The following UPF2 variants were observed in gnomAD, a reference collection of about 807,000 sequenced individuals.
UPF2 encodes the protein UPF2 regulator of nonsense mediated mRNA decay.
A neutral mutation model predicts 141.4 loss-of-function variants in UPF2; 17 were observed. The ratio of observed to expected loss-of-function variants is 0.12; its 90% CI spans 0.08 to 0.18. UPF2 has a LOEUF of 0.18. UPF2 is among the 10% of genes least tolerant of loss of function. The pLI is 1.00. For synonymous variants in UPF2, 540 were observed against 498.0 expected, an observed-to-expected ratio of 1.08 and a Z score of -1.12; for missense variants, 1,152 against 1,515.9, an observed-to-expected ratio of 0.76 and a Z score of 3.99.
intron 9 of UPF2, among the ~76,000 whole-genome samples, chr10:11,977,201 C>A (rs61412976): frequency 6.6e-6 from 1 of 152,070 alleles, no homozygotes; most frequent in Non-Finnish European, 1.5e-5. Flanking sequence ...GAAATAGTTG[C>A]AGCGGGGGGA....
At chr10:11,948,583 C>G in intron 15 of UPF2, 75 bp from the exon 16 acceptor site, 1 of 1,463,058 alleles carries the variant, frequency 6.8e-7, no homozygotes, top group Non-Finnish European at 9.2e-7. Context: ...TATACCAATT[C>G]ATGTAAAAGT....
intron 12 of UPF2, among the ~76,000 whole-genome samples, chr10:11,958,865 A>G (rs1833196718): frequency 6.6e-6 from 1 of 152,218 alleles, no homozygotes; most frequent in Non-Finnish European, 1.5e-5. Context: ...CTGATGCAAA[A>G]TAATATTTAA....
chr10:11,922,280 TTTGTC>T (rs1249795222), intron 21 of UPF2, among the ~76,000 whole-genome samples: 8 of 152,168 alleles, frequency 5.3e-5, no homozygotes, highest in African/African-American at 1.9e-4. Context: ...GCTGTAATAT[TTTGTC>T]ATGGCAGCCC....
At position 12,029,476 on chromosome 10, in the gene UPF2, A is replaced by G; in HGVS notation, c.414T>C (p.His138=). The G allele has an allele frequency of 6.2e-7, 1 of 1,609,276 alleles. No homozygotes were observed. The highest frequency in any genetic ancestry group is 8.5e-7 in the Non-Finnish European group (1 of 1,178,986). Residue 138 remains histidine (H), a synonymous_variant, in exon 3 of 22, where the codon CAT becomes CAC. Coordinates refer to ENST00000357604, the MANE Select transcript of UPF2 (RefSeq NM_015542.4). ...IQLHQEAWER[H]HLRKELRSKN... The stretch of plus-strand genomic sequence containing the variant: ...TGCTACGAAGTTCCTTTCTTAAATG[A>G]TGTCGTTCCCAAGCTTCCTGATGAA...
chr10:11,984,467 T>TAA (rs1468697219), intron 8 of UPF2, among the ~76,000 whole-genome samples: 1 of 152,212 alleles, frequency 6.6e-6, no homozygotes, highest in Non-Finnish European at 1.5e-5. Context: ...CTTGAATTTC[T>TAA]AAAACTTTTA....
chr10:11,970,623 C>G (rs2131212858), intron 9 of UPF2, among the ~76,000 whole-genome samples: 1 of 151,966 alleles, frequency 6.6e-6, no homozygotes, highest in Middle Eastern at 3.4e-3. Context: ...ACCAGCCTGG[C>G]CAACACGGTG....
At chr10:11,987,602 AT>A (rs1479504315) in intron 8 of UPF2, among the ~76,000 whole-genome samples, 1 of 151,696 alleles carries the variant, frequency 6.6e-6, no homozygotes, top group Non-Finnish European at 1.5e-5. Flanking sequence ...TACTAAAAAA[AT>A]ATATAAAAAT....
At chr10:12,002,911 T>C (rs1833975996) in intron 5 of UPF2, among the ~76,000 whole-genome samples, 1 of 152,228 alleles carries the variant, frequency 6.6e-6, no homozygotes, top group Non-Finnish European at 1.5e-5. Flanking sequence ...TATACTTAAA[T>C]TGAAAGTATG....
chr10:12,027,534 A>C (rs776947958), intron 3 of UPF2, among the ~76,000 whole-genome samples: 4 of 152,224 alleles, frequency 2.6e-5, no homozygotes, highest in Non-Finnish European at 4.4e-5. Flanking sequence ...AATCCTTTTT[A>C]GTCCATTACT....
intron 2 of UPF2, among the ~76,000 whole-genome samples, chr10:12,029,913 G>A (rs1203741175): frequency 6.6e-6 from 1 of 150,504 alleles, no homozygotes; most frequent in South Asian, 2.1e-4. Context: ...AGCCAAGAAC[G>A]TGACACTGCA....
rs1015008216 is a variant in UPF2 at position 11,921,163 on chromosome 10, C to T, written c.*135G>A. Reference sequence around the variant, plus strand: ...GGTGTTTCTGCCTCCTGGCCCCAGCCTGTCCCAGGTTTAGATTCGCAACTC... The same window carrying T: ...GGTGTTTCTGCCTCCTGGCCCCAGCTTGTCCCAGGTTTAGATTCGCAACTC... On this transcript the variant is annotated 3_prime_UTR_variant, in exon 22 of 22. Transcript: ENST00000357604. The surrounding 1 kb of genome is among the most constrained non-coding windows in gnomAD (Gnocchi z 5.9). 8.1e-7 allele frequency: 1 copy of T among 1,238,616 alleles called. No homozygotes were observed. The highest frequency in any genetic ancestry group is 1.5e-5 in the African/African-American group (1 of 67,408). 76.7% of individuals were successfully genotyped at this position (1,238,616 alleles called of 1,614,324 possible).
At chr10:12,000,882 T>C (rs1833940242) in intron 6 of UPF2, among the ~76,000 whole-genome samples, 1 of 152,206 alleles carries the variant, frequency 6.6e-6, no homozygotes, top group African/African-American at 2.4e-5. Context: ...AAATGTAATA[T>C]TTGTATTACT....
intron 19 of UPF2, among the ~76,000 whole-genome samples, chr10:11,934,265 AG>A (rs757094281): frequency 6.6e-5 from 10 of 152,364 alleles, no homozygotes; most frequent in East Asian, 1.9e-4. Context: ...AGGTGCTCTG[AG>A]GACAGCAGTC....
intron 15 of UPF2, among the ~76,000 whole-genome samples, chr10:11,948,909 C>T (rs547386750): frequency 1.3e-5 from 2 of 152,156 alleles, no homozygotes; most frequent in East Asian, 1.9e-4. Context: ...TAAAGAGTCT[C>T]CAAAAACTCA....
intron 1 of UPF2, among the ~76,000 whole-genome samples, chr10:12,039,888 G>A (rs995178357): frequency 1.3e-5 from 2 of 151,984 alleles, no homozygotes; most frequent in African/African-American, 4.8e-5. Flanking sequence ...CCAAAGTTCT[G>A]GGATTTACAG....
chr10:12,037,208 C>A (rs1834645692), intron 1 of UPF2, among the ~76,000 whole-genome samples: 1 of 151,982 alleles, frequency 6.6e-6, no homozygotes, highest in South Asian at 2.1e-4. Flanking sequence ...CCTCAGCCCC[C>A]CAAGTAGCTG....
At chr10:11,978,407 T>TGAA (rs1944131234) in intron 9 of UPF2, among the ~76,000 whole-genome samples, 1 of 152,166 alleles carries the variant, frequency 6.6e-6, no homozygotes, top group South Asian at 2.1e-4. Context: ...ATCAAGCCTG[T>TGAA]ATTTGAAGCA....
rs201584736 is a variant in UPF2 at position 11,966,602 on chromosome 10, T to C, written c.2067+739A>G. On this transcript the variant is annotated intron_variant, in intron 10 of 21. Transcript: ENST00000357604. ...ACCATGCCTGGCTAATTTTGTATTT[T>C]TAGTAGAGACGGGGTTTCTCCATGT... Among the ~76,000 whole-genome samples the C allele has an allele frequency of 3.3e-5, 5 of 152,200 alleles. No individual in the cohort carries two copies. In the East Asian group the frequency reaches 7.7e-4, roughly 23 times the overall value.
At chr10:11,978,403 C>G (rs11596496) in intron 9 of UPF2, among the ~76,000 whole-genome samples, 9,105 of 152,208 alleles carry the variant, frequency 0.06, 370 homozygotes, top group Non-Finnish European at 0.092. Context: ...CACTATCAAG[C>G]CTGTATTTGA....
Sources: gnomAD v4.1 joint callset for allele counts (sites outside exome capture counted in the v4.1 genomes callset) on GRCh38, gnomAD v4.1.1 for gene constraint, Gnocchi (gnomAD v3.1) non-coding constraint, MANE v1.5 for transcripts, NCBI Gene and HGNC (gene_info 2026-07-23, HGNC 2026-07-21) for gene names.